The following LPAR6 variants were observed in gnomAD, a reference collection of about 807,000 sequenced individuals.
LPAR6 encodes lysophosphatidic acid receptor 6.
A neutral mutation model predicts 22.0 loss-of-function variants in LPAR6; 17 were observed. That is an observed-to-expected ratio of 0.77 (90% CI 0.53 to 1.16). The LOEUF (loss-of-function observed/expected upper bound fraction) is 1.16. LPAR6 is among the 50% of genes most tolerant of loss of function. The probability of loss-of-function intolerance (pLI) is 0.00; values close to 1 mark genes in which losing one functional copy is unlikely to be tolerated. For synonymous variants in LPAR6, 136 were observed against 139.8 expected, an observed-to-expected ratio of 0.97 and a Z score of 0.19; for missense variants, 384 against 406.9, an observed-to-expected ratio of 0.94 and a Z score of 0.48.
At chr13:48,418,832 A>G (rs1389428157) in intron 2 of LPAR6, among the ~76,000 whole-genome samples, 20 of 152,182 alleles carry the variant, frequency 1.3e-4, no homozygotes, top group Admixed American at 1.3e-3. Flanking sequence ...CAACAAGAAG[A>G]GCTAACTATC....
Position 48,412,394 on chromosome 13 carries a change from G to C in LPAR6, c.30C>G (p.Phe10Leu). 1 of 1,613,994 alleles carries C rather than the reference G, an allele frequency of 6.2e-7. No individual in the cohort carries two copies. The highest frequency in any genetic ancestry group is 1.7e-4 in the Middle Eastern group (1 of 6,058). Residue 10 changes from phenylalanine (F) to leucine (L), a missense_variant, in exon 1 of 1, where the codon TTC (phenylalanine) becomes TTG (leucine). Phe to Leu is a conservative substitution (Grantham distance 22). Transcript: ENST00000620633. ...AAGTGTACTTAAAGGAGTCATTATA[G>C]AAGCAGTGGGAGCTGTTAACGCTTA... MVSVNSSHC[F>L]YNDSFKYTLY...
upstream of LPAR6, among the ~76,000 whole-genome samples, chr13:48,416,144 TG>T (rs1290328819): frequency 2.6e-5 from 4 of 152,262 alleles, no homozygotes; most frequent in Non-Finnish European, 4.4e-5. Context: ...GATGTTAAAA[TG>T]GTGAACACAG....
At chr13:48,433,977 G>A (rs1047606007) in intron 1 of LPAR6, among the ~76,000 whole-genome samples, 1 of 151,704 alleles carries the variant, frequency 6.6e-6, no homozygotes, top group Non-Finnish European at 1.5e-5. Flanking sequence ...TCCTGCCTTA[G>A]CCTCCCAAAG....
chr13:48,394,539 C>T (rs898800834), intron 1 of LPAR6, among the ~76,000 whole-genome samples: 3 of 152,170 alleles, frequency 2.0e-5, no homozygotes, highest in Non-Finnish European at 4.4e-5. Flanking sequence ...AGTCTGAGGT[C>T]GACCTGGGAT....
At chr13:48,442,376 A>AT (rs1376552032) in intron 1 of LPAR6, among the ~76,000 whole-genome samples, 1 of 151,852 alleles carries the variant, frequency 6.6e-6, no homozygotes, top group Non-Finnish European at 1.5e-5. Flanking sequence ...AATTTTTTGT[A>AT]TTTTTTGTAG....
At chr13:48,395,353 G>C (rs1469033322) in intron 1 of LPAR6, among the ~76,000 whole-genome samples, 1 of 152,108 alleles carries the variant, frequency 6.6e-6, no homozygotes, top group South Asian at 2.1e-4. Flanking sequence ...TCCAAAGAAT[G>C]ACAACTCCTC....
At chr13:48,439,395 T>G (rs946306618) in intron 1 of LPAR6, among the ~76,000 whole-genome samples, 11 of 152,108 alleles carry the variant, frequency 7.2e-5, no homozygotes, top group African/African-American at 2.7e-4. Flanking sequence ...AGAAATAAAA[T>G]AGAATCATGA....
At chr13:48,406,158 G>A (rs75802412), downstream of LPAR6, among the ~76,000 whole-genome samples, 2 of 151,972 alleles carry the variant, frequency 1.3e-5, no homozygotes, top group African/African-American at 2.4e-5. Flanking sequence ...ATTGTGTCTT[G>A]AGGATCAATA....
At chr13:48,398,138 T>G (rs771421458) in intron 1 of LPAR6, among the ~76,000 whole-genome samples, 1 of 152,188 alleles carries the variant, frequency 6.6e-6, no homozygotes, top group Non-Finnish European at 1.5e-5. Context: ...GATAAAGCAA[T>G]TATGCTATAT....
At chr13:48,423,448 A>T (rs1485302879) in intron 1 of LPAR6, among the ~76,000 whole-genome samples, 2 of 152,196 alleles carry the variant, frequency 1.3e-5, no homozygotes, top group Non-Finnish European at 2.9e-5. Context: ...TTTTTGAAAC[A>T]GGTTGCACAA....
intron 1 of LPAR6, among the ~76,000 whole-genome samples, chr13:48,423,511 T>C (rs1949037440): frequency 1.3e-5 from 2 of 152,224 alleles, no homozygotes; most frequent in Admixed American, 1.3e-4. Flanking sequence ...TATGTTTCAA[T>C]AGCATTCTTC....
intron 1 of LPAR6, among the ~76,000 whole-genome samples, chr13:48,395,934 A>AT (rs1227691729): frequency 5.9e-4 from 90 of 152,296 alleles, no homozygotes; most frequent in Non-Finnish European, 1.2e-4. Context: ...TAATCGTCAG[A>AT]TTCACCAAGG....
intron 1 of LPAR6, among the ~76,000 whole-genome samples, chr13:48,436,502 G>C (rs1177766446): frequency 6.6e-6 from 1 of 152,074 alleles, no homozygotes; most frequent in Non-Finnish European, 1.5e-5. Context: ...AATTAGCTGA[G>C]TATGGTGGCA....
downstream of LPAR6, among the ~76,000 whole-genome samples, chr13:48,410,870 GACT>G (rs1185128342): frequency 2.6e-5 from 4 of 152,020 alleles, no homozygotes; most frequent in Admixed American, 2.6e-4. Context: ...TTCTACAGAA[GACT>G]ACGTTTTTAG....
rs949514995 is a variant in LPAR6 at position 48,444,287 on chromosome 13, T to C, written c.-1474+266A>G. Among the ~76,000 whole-genome samples, 8 of 151,990 alleles carry C rather than the reference T, an allele frequency of 5.3e-5. No homozygotes were observed. In the East Asian group the frequency reaches 1.5e-3, roughly 29 times the overall value. ...ATCCCAGCACTTTGGGAGGTCGAGG[T>C]GGGCAGATCACTTGAGGCCAGGAGT... On this transcript the variant is annotated intron_variant, in intron 1 of 6. Transcript: ENST00000378434.
intron 1 of LPAR6, among the ~76,000 whole-genome samples, chr13:48,390,690 C>A (rs1948604765): frequency 6.6e-6 from 1 of 152,178 alleles, no homozygotes; most frequent in South Asian, 2.1e-4. Flanking sequence ...GAATTTACCT[C>A]TTTAATCATT....
downstream of LPAR6, among the ~76,000 whole-genome samples, chr13:48,410,571 G>A (rs1038671523): frequency 2.6e-5 from 4 of 152,108 alleles, no homozygotes; most frequent in African/African-American, 9.7e-5. Context: ...ATAAGTTCTT[G>A]ACTGTGATGT....
chr13:48,429,674 A>G (rs1279616658), upstream of LPAR6: 1 of 152,086 alleles, frequency 6.6e-6, no homozygotes, highest in Non-Finnish European at 1.5e-5. Context: ...AAAATGTTAT[A>G]TGGAATTATA....
At chr13:48,435,291 A>G (rs983373043) in intron 1 of LPAR6, among the ~76,000 whole-genome samples, 4 of 152,126 alleles carry the variant, frequency 2.6e-5, no homozygotes, top group Non-Finnish European at 5.9e-5. Flanking sequence ...TGAGGTTATA[A>G]TTTGCATTTC....
Sources: allele counts gnomAD v4.1 joint callset (sites outside exome capture counted in the v4.1 genomes callset), GRCh38; gene constraint gnomAD v4.1.1; transcripts MANE v1.5; gene names NCBI Gene and HGNC (gene_info 2026-07-23, HGNC 2026-07-21).